The following URB1 variants were observed in gnomAD, a reference collection of about 807,000 sequenced individuals.
The protein encoded by URB1 is nucleolar pre-ribosomal-associated protein 1.
Under a neutral mutation model 242.3 loss-of-function variants are expected in URB1, and 197 were observed. That is an observed-to-expected ratio of 0.81 (90% CI 0.72 to 0.91). URB1 has a LOEUF of 0.91. Among genes scored for constraint, URB1 ranks in the 40% least tolerant of loss-of-function variants. The pLI, the probability that URB1 is intolerant of heterozygous loss-of-function variation, is 0.00. For missense variants in URB1, 2,721 were observed against 2,860.5 expected (o/e 0.95, Z 1.11); for synonymous variants, 1,153 against 1,201.8 (o/e 0.96, Z 0.84).
intron 22 of URB1, among the ~76,000 whole-genome samples, chr21:32,346,161 C>T (rs1186172758): frequency 6.6e-6 from 1 of 152,116 alleles, no homozygotes; most frequent in African/African-American, 2.4e-5. Context: ...CCCCTCTGGC[C>T]GTGTGATCTC....
At position 32,392,868 on chromosome 21, in the gene URB1, C is replaced by A; in HGVS notation, c.43G>T (p.Ala15Ser). 8 of 1,532,898 alleles carry A rather than the reference C, an allele frequency of 5.2e-6. No individual in the cohort carries two copies. Among genetic ancestry groups the A allele is most frequent in the Non-Finnish European group, 5.2e-6 (6 of 1,145,064 alleles). The allele number at this position is 1,532,898 out of a possible 1,614,324, so 95.0% of individuals were successfully genotyped here. ...TTGGCTGCACCCGCGGAGGAAGCCG[C>A]GCCGTCCTGGCCGCCCGAGGCCTTC... ...KRKASGGQDG[A>S]ASSAGAAKRA... The change falls in exon 1 of 39, where the codon GCG becomes TCG. Residue 15 changes from alanine to serine, a missense_variant. Coordinates refer to ENST00000382751, the MANE Select transcript of URB1 (RefSeq NM_014825.3).
intron 5 of URB1, chr21:32,377,426 G>C: frequency 2.4e-6 from 1 of 417,182 alleles, no homozygotes; most frequent in East Asian, 7.5e-5. Flanking sequence ...GGTACCAACT[G>C]TCACTGAATA....
In URB1 at chr21:32,314,195, A is replaced by G. The variant is rs1032649093; in HGVS notation, c.*723T>C. The G allele has an allele frequency of 1.6e-5, 3 of 191,294 alleles. No individual in the cohort carries two copies. The highest frequency in any genetic ancestry group is 7.1e-5 in the African/African-American group (3 of 42,434). The allele number at this position is 191,294 out of a possible 1,614,324, so 11.8% of individuals were successfully genotyped here. ...ATAGAAAAACAAACTTTATTTTTTT[A>G]TTTTTTTGAGATGGAGTCTTGCTCT... On this transcript the variant is annotated 3_prime_UTR_variant, in exon 39 of 39. Transcript: ENST00000382751.
intron 15 of URB1, among the ~76,000 whole-genome samples, chr21:32,356,084 A>G (rs185804652): frequency 1.1e-4 from 16 of 152,330 alleles, no homozygotes; most frequent in Admixed American, 9.1e-4. Context: ...TGCTCTCTCA[A>G]AGACAATATA....
intron 11 of URB1, among the ~76,000 whole-genome samples, chr21:32,362,922 T>C (rs763452771): frequency 6.6e-6 from 1 of 152,180 alleles, no homozygotes; most frequent in Non-Finnish European, 1.5e-5. Flanking sequence ...ATCGTCTAAA[T>C]TCTTACTCTG....
rs552322835 is a variant in URB1 at position 32,383,607 on chromosome 21, A to G, written c.435-53T>C. ...CACGTCAACAACAGCAGAAGCACAG[A>G]GCCGCCTCACCACAAAGCCAGCTGC... On this transcript the variant is annotated intron_variant, in intron 3 of 38. Transcript: ENST00000382751. The G allele has an allele frequency of 4.0e-6, 6 of 1,488,668 alleles. No homozygotes were observed. The East Asian group carries it at 1.6e-4, about 40-fold the overall frequency. 92.2% of individuals were successfully genotyped at this position (1,488,668 alleles called of 1,614,324 possible).
intron 4 of URB1, 93 bp downstream of exon 4, chr21:32,383,329 T>G (rs1204623205): frequency 1.4e-6 from 2 of 1,401,556 alleles, no homozygotes; most frequent in East Asian, 5.1e-5. Flanking sequence ...TTCATCTGTG[T>G]GGGGATCAGG....
rs773113948 is a variant in URB1, at chr21:32,320,545, G to A, written c.5580C>T (p.His1860=). The part of the protein sequence containing the change: ...RDYSLLTWIL[H]ILESKFLETP... ...AAGGTACTTACTTGCTTTCAAGGATGTGTAAAATCCATGTTAAAAGGCTAT... is the reference window on the plus strand; with the variant it reads ...AAGGTACTTACTTGCTTTCAAGGATATGTAAAATCCATGTTAAAAGGCTAT... The change falls in exon 35 of 39, where the codon CAC becomes CAT. Residue 1860 remains histidine, a synonymous_variant. Coordinates refer to ENST00000382751, the MANE Select transcript of URB1 (RefSeq NM_014825.3). The A allele has an allele frequency of 1.9e-6, 3 of 1,551,380 alleles. No homozygotes were observed. The highest frequency in any genetic ancestry group is 2.6e-6 in the Non-Finnish European group (3 of 1,146,586).
chr21:32,369,389 T>C (rs2033382589), intron 8 of URB1, among the ~76,000 whole-genome samples: 1 of 152,108 alleles, frequency 6.6e-6, no homozygotes, highest in Non-Finnish European at 1.5e-5. Flanking sequence ...TGTAAATACA[T>C]ATGTGAGTGT....
At chr21:32,378,687 G>C (rs1462224955) in intron 4 of URB1, 146 bp from the exon 5 acceptor site, 1 of 681,478 alleles carries the variant, frequency 1.5e-6, no homozygotes, top group Non-Finnish European at 2.5e-6. Flanking sequence ...ATGCAAGTCT[G>C]AAACCAATGC....
Position 32,352,915 on chromosome 21 carries a change from G to A in URB1, c.2417-9C>T. On this transcript the variant is annotated splice_polypyrimidine_tract_variant and intron_variant, in intron 18 of 38. Coordinates refer to ENST00000382751, the MANE Select transcript of URB1 (RefSeq NM_014825.3). ...TGTCACAACGTTTTCCGCTGCAAAG[G>A]AACGAGATGCATATGGGAAGAGGCT... 6.5e-7 allele frequency: 1 copy of A among 1,534,386 alleles called. No individual in the cohort carries two copies. Among genetic ancestry groups the A allele is most frequent in the Non-Finnish European group, 8.8e-7 (1 of 1,137,564 alleles).
chr21:32,366,993 T>G (rs1482814055), intron 9 of URB1, among the ~76,000 whole-genome samples: 4 of 152,112 alleles, frequency 2.6e-5, no homozygotes, highest in African/African-American at 9.7e-5. Flanking sequence ...TGACCTGTGG[T>G]CTGCAGAGTC....
chr21:32,353,037 A>G, intron 18 of URB1, 131 bp from the exon 19 acceptor site: 1 of 921,742 alleles, frequency 1.1e-6, no homozygotes, highest in Non-Finnish European at 1.6e-6. Flanking sequence ...GGGACACATA[A>G]CCACAGGGAA....
chr21:32,338,882 G>A lies in URB1; in HGVS notation c.4335C>T (p.His1445=). The part of the protein sequence containing the change: ...KKGLKFRYQD[H]TFLKMLLTAV... ...CGGTGAGGAGCATCTTTAAAAATGT[G>A]TGGTCCTGGTACCGAAATCTAGGCG... Residue 1445 remains histidine (H), a synonymous_variant, in exon 26 of 39, where the codon CAC becomes CAT. Transcript: ENST00000382751. The A allele has an allele frequency of 6.5e-7, 1 of 1,546,708 alleles. No individual in the cohort carries two copies. The highest frequency in any genetic ancestry group is 1.4e-5 in the African/African-American group (1 of 73,062).
At chr21:32,368,694 G>C in intron 8 of URB1, 96 bp from the exon 9 acceptor site, 1 of 1,064,826 alleles carries the variant, frequency 9.4e-7, no homozygotes, top group Non-Finnish European at 1.3e-6. Context: ...ATTGCCCTCA[G>C]TGAACACAGC....
At position 32,319,201 on chromosome 21, in the gene URB1, C is replaced by T. The variant is rs112991268; in HGVS notation, c.5792+16G>A. 1.2e-5 allele frequency: 19 copies of T among 1,535,320 alleles called. No homozygotes were observed. Among genetic ancestry groups the T allele is most frequent in the Middle Eastern group, 1.8e-4 (1 of 5,580 alleles). Reference sequence around the variant, plus strand: ...CAAGAGGCCAGAAGGGCCCCCCTGGCGGGGGCAGGACTCACCTCAGGTGCT... The same window carrying T: ...CAAGAGGCCAGAAGGGCCCCCCTGGTGGGGGCAGGACTCACCTCAGGTGCT... On this transcript the variant is annotated intron_variant, in intron 36 of 38. Coordinates refer to ENST00000382751, the MANE Select transcript of URB1 (RefSeq NM_014825.3).
chr21:32,347,610 G>A lies in URB1; in HGVS notation c.3214C>T (p.Leu1072=), dbSNP rs1200042991. 3 of 1,551,490 alleles carry A rather than the reference G, an allele frequency of 1.9e-6. No individual in the cohort carries two copies. Among genetic ancestry groups the A allele is most frequent in the Admixed American group, 2.0e-5 (1 of 50,980 alleles). ...ILQNIGQLGL[L]ARYSEAITQS... ...GTGATGGCCTCTGAGTACCTGGCCA[G>A]AAGGCCCAGCTGCCCAATGTTCTGG... is the stretch of plus-strand genomic sequence containing the variant. Residue 1072 remains leucine, a synonymous_variant, in exon 22 of 39, where the codon CTG becomes TTG. Coordinates refer to ENST00000382751, the MANE Select transcript of URB1 (RefSeq NM_014825.3).
In URB1 at chr21:32,392,907, C is replaced by T; in HGVS notation, c.4G>A (p.Gly2Arg). The change falls in exon 1 of 39, where the codon GGG becomes AGG. Residue 2 changes from glycine (G) to arginine (R), a missense_variant. Gly to Arg is a moderately radical substitution (Grantham distance 125, BLOSUM62 -2). Transcript: ENST00000382751. M[G>R]VPKRKASGGQ... ...CCCGAGGCCTTCCTCTTGGGGACCC[C>T]CATGGCCGAGAGGGCGGAAGCGCGA... 1 of 1,514,852 alleles carries T rather than the reference C, an allele frequency of 6.6e-7. No homozygotes were observed. Among genetic ancestry groups the T allele is most frequent in the African/African-American group, 1.4e-5 (1 of 71,734 alleles). The allele number at this position is 1,514,852 out of a possible 1,614,324, so 93.8% of individuals were successfully genotyped here.
intron 30 of URB1, among the ~76,000 whole-genome samples, chr21:32,326,630 T>C (rs931306842): frequency 6.6e-6 from 1 of 152,168 alleles, no homozygotes; most frequent in African/African-American, 2.4e-5. Flanking sequence ...GCTGTTCTCA[T>C]GCTAGTGAGT....
Sources: allele counts gnomAD v4.1 joint callset (sites outside exome capture counted in the v4.1 genomes callset), GRCh38; gene constraint gnomAD v4.1.1; transcripts MANE v1.5; gene names NCBI Gene and HGNC (gene_info 2026-07-23, HGNC 2026-07-21).